FARS2: variants seen among roughly 807,000 people sequenced by gnomAD.
FARS2 encodes phenylalanine--tRNA ligase, mitochondrial.
Under a neutral mutation model 46.4 loss-of-function variants are expected in FARS2, and 40 were observed. The ratio of observed to expected loss-of-function variants is 0.86; its 90% CI spans 0.67 to 1.12. The LOEUF (loss-of-function observed/expected upper bound fraction) is 1.12, where lower values mean the gene tolerates loss of function less well. Among genes scored for constraint, FARS2 ranks in the 50% most tolerant of loss-of-function variants. The pLI is 0.00. For missense variants in FARS2, 513 were observed against 567.9 expected (o/e 0.90, Z 0.98); for synonymous variants, 234 against 214.9 (o/e 1.09, Z -0.78).
intron 3 of FARS2, among the ~76,000 whole-genome samples, chr6:5,414,044 AT>A (rs368502909): frequency 2.4e-4 from 37 of 152,296 alleles, no homozygotes; most frequent in African/African-American, 8.7e-4. Flanking sequence ...AACAACTACC[AT>A]TATTTGATGA....
intron 2 of FARS2, among the ~76,000 whole-genome samples, chr6:5,370,478 C>A (rs1302707880): frequency 6.6e-6 from 1 of 151,996 alleles, no homozygotes; most frequent in East Asian, 1.9e-4. Flanking sequence ...AAAGACAGGT[C>A]AAAATCTGGG....
intron 5 of FARS2, among the ~76,000 whole-genome samples, chr6:5,558,536 T>A (rs540657140): frequency 2.6e-5 from 4 of 152,126 alleles, no homozygotes; most frequent in South Asian, 2.1e-4. Flanking sequence ...TATTTAATTA[T>A]TTATTTGTTT....
chr6:5,310,508 A>T (rs988380309), intron 1 of FARS2, among the ~76,000 whole-genome samples: 2 of 152,052 alleles, frequency 1.3e-5, no homozygotes, highest in Non-Finnish European at 2.9e-5. Context: ...AATCTTAATT[A>T]AAAAAAACTC....
chr6:5,686,809 G>C (rs1292978166), intron 6 of FARS2, among the ~76,000 whole-genome samples: 5 of 152,214 alleles, frequency 3.3e-5, no homozygotes, highest in Non-Finnish European at 5.9e-5. Context: ...CTAGTTTACA[G>C]TCCCACCAAT....
At chr6:5,450,746 C>A (rs1189148737) in intron 4 of FARS2, among the ~76,000 whole-genome samples, 2 of 152,036 alleles carry the variant, frequency 1.3e-5, no homozygotes, top group East Asian at 3.9e-4. Flanking sequence ...AAGGTTGAGG[C>A]GGGAGAAGCA....
intron 4 of FARS2, among the ~76,000 whole-genome samples, chr6:5,458,664 A>C (rs1241129134): frequency 1.3e-5 from 2 of 152,126 alleles, no homozygotes; most frequent in African/African-American, 4.8e-5. Flanking sequence ...CTAAATAAGG[A>C]CATGTTTGTT....
rs1409766615 is a variant in FARS2, at chr6:5,261,645, C to A, written c.-37C>A. 3 of 152,450 alleles carry A rather than the reference C, an allele frequency of 2.0e-5. No homozygotes were observed. Among genetic ancestry groups the A allele is most frequent in the Non-Finnish European group, 2.9e-5 (2 of 68,206 alleles). 9.4% of individuals were successfully genotyped at this position (152,450 alleles called of 1,614,324 possible). The stretch of plus-strand genomic sequence containing the variant: ...TTTTGAAACACCTGGGTCTGGGCTT[C>A]CCGGGCGAGCGGTGGGTGAGTGCCG... On this transcript the variant is annotated 5_prime_UTR_variant, in exon 1 of 7. Transcript: ENST00000274680.
At chr6:5,351,770 T>C (rs1340869362) in intron 1 of FARS2, among the ~76,000 whole-genome samples, 1 of 152,234 alleles carries the variant, frequency 6.6e-6, no homozygotes, top group East Asian at 1.9e-4. Flanking sequence ...TTTATCTGTA[T>C]TGTGACCATT....
At chr6:5,473,037 A>G (rs1765892198) in intron 4 of FARS2, among the ~76,000 whole-genome samples, 1 of 152,182 alleles carries the variant, frequency 6.6e-6, no homozygotes, top group Non-Finnish European at 1.5e-5. Flanking sequence ...AGATATGTTC[A>G]TACGTGGAAT....
chr6:5,514,897 A>G (rs750157087), intron 4 of FARS2, among the ~76,000 whole-genome samples: 2 of 151,670 alleles, frequency 1.3e-5, no homozygotes, highest in Non-Finnish European at 2.9e-5. Context: ...CCTCCCAAGA[A>G]GCTGGGAGTA....
chr6:5,489,636 G>A (rs565148071), intron 4 of FARS2, among the ~76,000 whole-genome samples: 3 of 152,128 alleles, frequency 2.0e-5, no homozygotes, highest in Admixed American at 6.5e-5. Flanking sequence ...CTCTACGCAC[G>A]ACGCCATTAC....
At chr6:5,335,315 G>A (rs1771076989) in intron 1 of FARS2, among the ~76,000 whole-genome samples, 1 of 152,160 alleles carries the variant, frequency 6.6e-6, no homozygotes, top group South Asian at 2.1e-4. Context: ...AACAGAGAGG[G>A]AAATGAGAAT....
At chr6:5,635,729 T>C (rs569746673) in intron 6 of FARS2, among the ~76,000 whole-genome samples, 16 of 152,274 alleles carry the variant, frequency 1.1e-4, no homozygotes, top group Admixed American at 3.9e-4. Context: ...CTCATGTCGT[T>C]GTTTCCCCAG....
chr6:5,677,052 C>T (rs1778805131), intron 6 of FARS2, among the ~76,000 whole-genome samples: 1 of 152,208 alleles, frequency 6.6e-6, no homozygotes. Flanking sequence ...AGTGCCCACA[C>T]ATCTAAAACT....
intron 1 of FARS2, among the ~76,000 whole-genome samples, chr6:5,323,669 C>G (rs1381003710): frequency 6.6e-6 from 1 of 152,190 alleles, no homozygotes; most frequent in Non-Finnish European, 1.5e-5. Context: ...GGACTCATTC[C>G]TGCTGGGCCT....
chr6:5,686,645 T>C (rs1482132542), intron 6 of FARS2, among the ~76,000 whole-genome samples: 3 of 152,230 alleles, frequency 2.0e-5, no homozygotes, highest in African/African-American at 4.8e-5. Context: ...CTATTGTGAA[T>C]AGTGCCACAA....
intron 5 of FARS2, among the ~76,000 whole-genome samples, chr6:5,576,574 TC>T: frequency 6.9e-6 from 1 of 145,910 alleles, no homozygotes; most frequent in Non-Finnish European, 1.5e-5. Context: ...AGAGTATATA[TC>T]TATGATATAT....
intron 4 of FARS2, among the ~76,000 whole-genome samples, chr6:5,485,581 CTG>C (rs2150350781): frequency 6.6e-6 from 1 of 152,320 alleles, no homozygotes; most frequent in South Asian, 2.1e-4. Flanking sequence ...CAGACTTTCT[CTG>C]TAAAGAGCCT....
rs1384239087 is a variant in FARS2 at position 5,687,238 on chromosome 6, A to G, written c.1217+73918A>G. On this transcript the variant is annotated intron_variant, in intron 6 of 6. Coordinates refer to ENST00000274680, the MANE Select transcript of FARS2 (RefSeq NM_006567.5). Reference sequence around the variant, plus strand: ...TTTGTCAATTTTGGCTTTTGTTGCCATTGCTTTTGGTGTTTTAGACACGAA... The same window carrying G: ...TTTGTCAATTTTGGCTTTTGTTGCCGTTGCTTTTGGTGTTTTAGACACGAA... Among the ~76,000 whole-genome samples the G allele has an allele frequency of 2.0e-5, 3 of 152,172 alleles. 1 individual carries two copies. Among genetic ancestry groups the G allele is most frequent in the Admixed American group, 2.0e-4 (3 of 15,278 alleles).
Sources: gnomAD v4.1 joint callset for allele counts (sites outside exome capture counted in the v4.1 genomes callset) on GRCh38, gnomAD v4.1.1 for gene constraint, MANE v1.5 for transcripts, NCBI Gene and HGNC (gene_info 2026-07-23, HGNC 2026-07-21) for gene names.